The following GNG7 variants were observed in gnomAD, a reference collection of about 807,000 sequenced individuals.
GNG7 encodes G protein subunit gamma 7, also known as guanine nucleotide-binding protein G(I)/G(S)/G(O) subunit gamma-7.
Under a neutral mutation model 4.0 loss-of-function variants are expected in GNG7, and 1 was observed. The ratio of observed to expected loss-of-function variants is 0.25; its 90% CI spans 0.09 to 1.18. GNG7 has a LOEUF of 1.18. Ranked by LOEUF, GNG7 falls within the 50% of genes most tolerant of loss-of-function variation. The probability of loss-of-function intolerance (pLI) is 0.50; values close to 1 mark genes in which losing one functional copy is unlikely to be tolerated. For missense variants in GNG7, 86 were observed against 91.9 expected (o/e 0.94, Z 0.26); for synonymous variants, 34 against 36.9 (o/e 0.92, Z 0.29).
rs1449466692 is a variant in GNG7, at chr19:2,633,353, G to A, written c.-78+12871C>T. ...CATCTCATCATATGCGACTGTCACCGCCGTGTGTATTTTGAGTCAAAGGCG... is the reference window on the plus strand; with the variant it reads ...CATCTCATCATATGCGACTGTCACCACCGTGTGTATTTTGAGTCAAAGGCG... On this transcript the variant is annotated intron_variant, in intron 2 of 4. Transcript: ENST00000382159. This position sits in a 1 kb window ranked among gnomAD's most constrained non-coding sequence, Gnocchi z 5.9. Among the ~76,000 whole-genome samples, 1 of 152,104 alleles carries A rather than the reference G, an allele frequency of 6.6e-6. No homozygotes were observed. The highest frequency in any genetic ancestry group is 1.5e-5 in the Non-Finnish European group (1 of 68,016).
intron 2 of GNG7, among the ~76,000 whole-genome samples, chr19:2,568,604 TAC>T (rs565844556): frequency 6.7e-6 from 1 of 149,092 alleles, no homozygotes; most frequent in African/African-American, 2.5e-5. Flanking sequence ...TATATAGACA[TAC>T]ACACATATAT....
At chr19:2,651,329 CCCTA>C (rs1476576978) in intron 1 of GNG7, among the ~76,000 whole-genome samples, 1 of 48,410 alleles carries the variant, frequency 2.1e-5, no homozygotes, top group South Asian at 1.2e-3. Flanking sequence ...CTCCCTCCCT[CCCTA>C]CCTTCCCTCC....
intron 2 of GNG7, chr19:2,630,684 A>T (rs1472963002): frequency 6.6e-6 from 1 of 151,810 alleles, no homozygotes. Context: ...AAACCTTCGG[A>T]TGAGAATGCA....
At chr19:2,674,310 TAC>T (rs1420692142) in intron 1 of GNG7, among the ~76,000 whole-genome samples, 2 of 152,156 alleles carry the variant, frequency 1.3e-5, no homozygotes, top group African/African-American at 4.8e-5. Context: ...ATAATGGAAA[TAC>T]ACACAATTGT....
At chr19:2,544,707 TG>T (rs919754106) in intron 3 of GNG7, among the ~76,000 whole-genome samples, 3 of 151,890 alleles carry the variant, frequency 2.0e-5, no homozygotes. Flanking sequence ...GGCTCTTAAT[TG>T]GGGGGGTGGG....
intron 2 of GNG7, among the ~76,000 whole-genome samples, chr19:2,581,204 C>T (rs1980493174): frequency 6.6e-6 from 1 of 151,966 alleles, no homozygotes. Flanking sequence ...GCCGCAGGCC[C>T]AGCCTGAAAG....
intron 2 of GNG7, among the ~76,000 whole-genome samples, chr19:2,574,044 T>C (rs915723570): frequency 9.2e-5 from 14 of 152,050 alleles, no homozygotes; most frequent in Non-Finnish European, 1.5e-4. Flanking sequence ...AGACCAGAGA[T>C]GCTGCCTTCT....
chr19:2,601,669 G>T lies in GNG7; in HGVS notation c.-78+44555C>A, dbSNP rs150421434. On this transcript the variant is annotated intron_variant, in intron 2 of 4. Coordinates refer to ENST00000382159, the MANE Select transcript of GNG7 (RefSeq NM_052847.3). ...GGCTCACGTCTGTAATCCCAAGCAC[G>T]TTGGGAGGCCGGGGCAGGAGGATCC... Among the ~76,000 whole-genome samples, 150 of 150,840 alleles carry T rather than the reference G, an allele frequency of 9.9e-4. 1 individual carries two copies. Among genetic ancestry groups the T allele is most frequent in the Middle Eastern group, 3.6e-3 (1 of 280 alleles).
chr19:2,670,354 C>G (rs1005479901), intron 1 of GNG7, among the ~76,000 whole-genome samples: 1 of 152,194 alleles, frequency 6.6e-6, no homozygotes, highest in Non-Finnish European at 1.5e-5. Context: ...CTGAGGCCCC[C>G]GCGGGAGCCG....
chr19:2,532,313 GA>G (rs1195411408), intron 3 of GNG7, among the ~76,000 whole-genome samples: 2 of 151,996 alleles, frequency 1.3e-5, no homozygotes, highest in African/African-American at 2.4e-5. Context: ...GAACAATGGG[GA>G]AAAAAAGGAA....
At chr19:2,533,716 A>C (rs1267226768) in intron 3 of GNG7, among the ~76,000 whole-genome samples, 1 of 152,226 alleles carries the variant, frequency 6.6e-6, no homozygotes, top group East Asian at 1.9e-4. Context: ...AGACTTTCTC[A>C]CCAACAGACT....
intron 1 of GNG7, among the ~76,000 whole-genome samples, chr19:2,650,828 C>G (rs1982792903): frequency 2.0e-5 from 3 of 152,304 alleles, no homozygotes; most frequent in Admixed American, 2.0e-4. Context: ...TCGACCCGGG[C>G]GGCCAGCAGT....
At chr19:2,622,947 A>C (rs922538189) in intron 2 of GNG7, among the ~76,000 whole-genome samples, 9 of 152,236 alleles carry the variant, frequency 5.9e-5, no homozygotes, top group Non-Finnish European at 1.3e-4. Flanking sequence ...GGCCACTGAT[A>C]GAAAACATTG....
intron 2 of GNG7, among the ~76,000 whole-genome samples, chr19:2,590,485 TCATCCATC>T (rs755259874): frequency 4.5e-5 from 6 of 131,888 alleles, no homozygotes; most frequent in Non-Finnish European, 7.7e-5. Flanking sequence ...ACCCATCTGT[TCATCCATC>T]CATCCATCCA....
At chr19:2,520,561 C>A (rs1027672954) in intron 4 of GNG7, 47 bp downstream of exon 4, 7 of 1,084,728 alleles carry the variant, frequency 6.5e-6, no homozygotes, top group Non-Finnish European at 8.3e-6. Context: ...ATTTGCGGGG[C>A]CCCCAAGGGT....
At chr19:2,577,284 T>G (rs1599401763) in intron 2 of GNG7, among the ~76,000 whole-genome samples, 1 of 152,314 alleles carries the variant, frequency 6.6e-6, no homozygotes, top group East Asian at 1.9e-4. Context: ...TGGTTGGGGC[T>G]GCGTCTCATC....
rs1038704421 is a variant in GNG7, at chr19:2,546,797, G to T, written c.-38+8352C>A. Among the ~76,000 whole-genome samples the T allele has an allele frequency of 6.6e-6, 1 of 152,144 alleles. No individual in the cohort carries two copies. The highest frequency in any genetic ancestry group is 2.4e-5 in the African/African-American group (1 of 41,438). On this transcript the variant is annotated intron_variant, in intron 3 of 4. Transcript: ENST00000382159. The surrounding 1 kb of genome is among the most constrained non-coding windows in gnomAD (Gnocchi z 6.3). ...CTGCTCTCTGTCCACCCGGCGGTGG[G>T]GTCGGCGGGGGCGGGGGATGACCAC... is the stretch of plus-strand genomic sequence containing the variant.
At chr19:2,685,171 CAGGGGCTGGGGA>C (rs1326812387) in intron 1 of GNG7, among the ~76,000 whole-genome samples, 2 of 151,328 alleles carry the variant, frequency 1.3e-5, no homozygotes, top group East Asian at 3.9e-4. Flanking sequence ...ATGGGAGTGC[CAGGGGCTGGGGA>C]GGGGGCTGGG....
chr19:2,513,474 G>A lies in GNG7; in HGVS notation c.*1548C>T, dbSNP rs562010508. The A allele has an allele frequency of 3.2e-5, 31 of 979,454 alleles. No individual in the cohort carries two copies. Among genetic ancestry groups the A allele is most frequent in the South Asian group, 2.4e-4 (5 of 21,176 alleles). 60.7% of individuals were successfully genotyped at this position (979,454 alleles called of 1,614,324 possible). A position where few individuals can be genotyped will look rare whatever the true frequency, so the allele number is the denominator to read the frequency against. The stretch of plus-strand genomic sequence containing the variant: ...GGAAGATGTGGCTGCACCTGCTCCC[G>A]TCCGTGCCGCAGAGGAGGACGCAGT... On this transcript the variant is annotated 3_prime_UTR_variant, in exon 5 of 5. Coordinates refer to ENST00000382159, the MANE Select transcript of GNG7 (RefSeq NM_052847.3).
Sources: allele counts gnomAD v4.1 joint callset (sites outside exome capture counted in the v4.1 genomes callset), GRCh38; gene constraint gnomAD v4.1.1; non-coding constraint Gnocchi (gnomAD v3.1); transcripts MANE v1.5; gene names NCBI Gene and HGNC (gene_info 2026-07-23, HGNC 2026-07-21).